KCTD8: variants seen among roughly 807,000 people sequenced by gnomAD.
KCTD8 encodes potassium channel tetramerization domain containing 8.
KCTD8 carries 27 observed loss-of-function variants against 31.5 expected under a neutral mutation model. The ratio of observed to expected loss-of-function variants is 0.86; its 90% CI spans 0.63 to 1.18. The LOEUF (loss-of-function observed/expected upper bound fraction) is 1.18, where lower values mean the gene tolerates loss of function less well. KCTD8 is among the 50% of genes most tolerant of loss of function. The pLI is 0.00. For missense variants in KCTD8, 658 were observed against 647.7 expected (o/e 1.02, Z -0.17); for synonymous variants, 290 against 280.0 (o/e 1.04, Z -0.36).
chr4:44,245,919 T>A (rs566157224), intron 1 of KCTD8, among the ~76,000 whole-genome samples: 38 of 152,208 alleles, frequency 2.5e-4, no homozygotes, highest in African/African-American at 8.2e-4. Flanking sequence ...TCAATTTTTT[T>A]ATAAGTTTCT....
At chr4:44,342,098 G>A (rs1292904619) in intron 1 of KCTD8, among the ~76,000 whole-genome samples, 6 of 152,160 alleles carry the variant, frequency 3.9e-5, no homozygotes, top group East Asian at 1.9e-4. Flanking sequence ...TAGGCTGGGC[G>A]TGTTGGCTCA....
intron 1 of KCTD8, among the ~76,000 whole-genome samples, chr4:44,238,537 A>G (rs2109356009): frequency 6.6e-6 from 1 of 152,312 alleles, no homozygotes; most frequent in South Asian, 2.1e-4. Flanking sequence ...AAAATTAATG[A>G]AAAAATAGTT....
chr4:44,368,926 A>G (rs1719710473), intron 1 of KCTD8, among the ~76,000 whole-genome samples: 1 of 152,190 alleles, frequency 6.6e-6, no homozygotes, highest in South Asian at 2.1e-4. Context: ...CCTTGATTTT[A>G]CACATGACTG....
chr4:44,362,567 G>C (rs1719526109), intron 1 of KCTD8, among the ~76,000 whole-genome samples: 1 of 152,084 alleles, frequency 6.6e-6, no homozygotes, highest in Admixed American at 6.6e-5. Context: ...TGAAGGAAAT[G>C]ACTCAAGTGA....
At chr4:44,377,155 G>T (rs1395848636) in intron 1 of KCTD8, among the ~76,000 whole-genome samples, 1 of 152,152 alleles carries the variant, frequency 6.6e-6, no homozygotes, top group Non-Finnish European at 1.5e-5. Context: ...CTGGAATTTA[G>T]AATTCTTGCA....
intron 1 of KCTD8, among the ~76,000 whole-genome samples, chr4:44,405,627 T>C (rs1446387594): frequency 6.6e-6 from 1 of 151,952 alleles, no homozygotes; most frequent in African/African-American, 2.4e-5. Flanking sequence ...TTAATGTTAC[T>C]CTTCTAATTC....
At chr4:44,447,202 G>T (rs1721964131) in intron 1 of KCTD8, among the ~76,000 whole-genome samples, 1 of 152,232 alleles carries the variant, frequency 6.6e-6, no homozygotes, top group African/African-American at 2.4e-5. Context: ...GTGGAGGAGG[G>T]TCTATGCACC....
intron 1 of KCTD8, among the ~76,000 whole-genome samples, chr4:44,208,713 A>G (rs1022749515): frequency 1.3e-5 from 2 of 152,096 alleles, no homozygotes; most frequent in Non-Finnish European, 2.9e-5. Flanking sequence ...TTCAATTCAT[A>G]TGTCCTCATA....
At chr4:44,256,951 A>C (rs535988632) in intron 1 of KCTD8, among the ~76,000 whole-genome samples, 3 of 152,112 alleles carry the variant, frequency 2.0e-5, no homozygotes, top group Admixed American at 6.6e-5. Flanking sequence ...ATGACCTAAC[A>C]GTTTCTTTTT....
chr4:44,428,076 G>A (rs974906297), intron 1 of KCTD8, among the ~76,000 whole-genome samples: 1 of 151,612 alleles, frequency 6.6e-6, no homozygotes, highest in African/African-American at 2.4e-5. Context: ...TTCAGAGACA[G>A]ACCAGAGCAC....
At chr4:44,317,642 A>G (rs1018669087) in intron 1 of KCTD8, among the ~76,000 whole-genome samples, 1 of 152,196 alleles carries the variant, frequency 6.6e-6, no homozygotes, top group Non-Finnish European at 1.5e-5. Flanking sequence ...CTAGTGTTCC[A>G]TTAGTGGAGT....
intron 1 of KCTD8, among the ~76,000 whole-genome samples, chr4:44,330,143 AC>A (rs1718558752): frequency 6.6e-6 from 1 of 151,976 alleles, no homozygotes; most frequent in South Asian, 2.1e-4. Context: ...CAGGTTAGAT[AC>A]GTTTGAATCT....
intron 1 of KCTD8, among the ~76,000 whole-genome samples, chr4:44,213,131 T>C (rs1225519256): frequency 2.0e-5 from 3 of 152,018 alleles, no homozygotes; most frequent in Non-Finnish European, 4.4e-5. Flanking sequence ...TAGAGACGGG[T>C]TTCACCATCT....
At chr4:44,232,510 T>C (rs947539427) in intron 1 of KCTD8, among the ~76,000 whole-genome samples, 1 of 152,178 alleles carries the variant, frequency 6.6e-6, no homozygotes. Context: ...TTAGAGCACT[T>C]CGGTTTTCAA....
At chr4:44,422,628 G>C (rs1326058482) in intron 1 of KCTD8, among the ~76,000 whole-genome samples, 1 of 152,086 alleles carries the variant, frequency 6.6e-6, no homozygotes, top group Non-Finnish European at 1.5e-5. Context: ...AGTACAACTT[G>C]CAGAAGAAGG....
chr4:44,393,055 G>A (rs968248881), intron 1 of KCTD8, among the ~76,000 whole-genome samples: 1 of 152,002 alleles, frequency 6.6e-6, no homozygotes, highest in Non-Finnish European at 1.5e-5. Flanking sequence ...ATTCCTGCAG[G>A]AAATGGTAAT....
intron 1 of KCTD8, among the ~76,000 whole-genome samples, chr4:44,426,482 G>A (rs1188174878): frequency 6.6e-6 from 1 of 151,562 alleles, no homozygotes; most frequent in South Asian, 2.1e-4. Flanking sequence ...AAGAGAAAGA[G>A]AGAGATAATA....
intron 1 of KCTD8, among the ~76,000 whole-genome samples, chr4:44,307,643 T>C (rs1231625616): frequency 6.6e-6 from 1 of 152,042 alleles, no homozygotes; most frequent in Non-Finnish European, 1.5e-5. Context: ...GCTTCCACTG[T>C]AATTTATTTT....
At chr4:44,291,203 G>C (rs527873902) in intron 1 of KCTD8, among the ~76,000 whole-genome samples, 39 of 152,174 alleles carry the variant, frequency 2.6e-4, no homozygotes, top group Admixed American at 1.3e-3. Flanking sequence ...TAATTAGGAA[G>C]TCTAGAGGAA....
Sources: gnomAD v4.1 joint callset for allele counts (sites outside exome capture counted in the v4.1 genomes callset) on GRCh38, gnomAD v4.1.1 for gene constraint, MANE v1.5 for transcripts, NCBI Gene and HGNC (gene_info 2026-07-23, HGNC 2026-07-21) for gene names.